Variants in CNOT4 observed in about 807,000 individuals in gnomAD.
CNOT4 encodes CCR4-associated factor 4.
A neutral mutation model predicts 73.8 loss-of-function variants in CNOT4; 8 were observed. That is an observed-to-expected ratio of 0.11 (90% CI 0.06 to 0.20). CNOT4 has a LOEUF of 0.20. Ranked by LOEUF, CNOT4 falls within the 10% of genes least tolerant of loss-of-function variation. The probability of loss-of-function intolerance (pLI) is 1.00; values close to 1 mark genes in which losing one functional copy is unlikely to be tolerated. For synonymous variants in CNOT4, 293 were observed against 321.1 expected (o/e 0.91, Z 0.94); for missense variants, 564 against 883.4 (o/e 0.64, Z 4.58).
chr7:135,467,538 C>G (rs764411317), intron 1 of CNOT4, among the ~76,000 whole-genome samples: 1 of 151,876 alleles, frequency 6.6e-6, no homozygotes. Flanking sequence ...TAGCAAGACC[C>G]CATATCCACA....
intron 10 of CNOT4, among the ~76,000 whole-genome samples, chr7:135,390,741 C>T (rs910907089): frequency 6.6e-6 from 1 of 152,016 alleles, no homozygotes; most frequent in Non-Finnish European, 1.5e-5. Context: ...AATTTAAGTA[C>T]AAATGTATAG....
chr7:135,394,485 C>T (rs536525226), intron 9 of CNOT4, 70 bp from the exon 10 acceptor site: 1 of 1,266,028 alleles, frequency 7.9e-7, no homozygotes, highest in East Asian at 2.3e-5. Context: ...AGTATCCATG[C>T]TACTGAAAGT....
chr7:135,388,640 C>G, intron 10 of CNOT4: 13 of 1,281,964 alleles, frequency 1.0e-5, no homozygotes, highest in Non-Finnish European at 1.1e-5. Context: ...ACTTCAACAA[C>G]TATGAGGTAA....
At chr7:135,380,510 A>T (rs911727833) in intron 10 of CNOT4, among the ~76,000 whole-genome samples, 1 of 152,246 alleles carries the variant, frequency 6.6e-6, no homozygotes. Context: ...AACACAGGGC[A>T]GCTTTGAAAA....
intron 1 of CNOT4, among the ~76,000 whole-genome samples, chr7:135,471,271 A>T (rs908044997): frequency 2.1e-5 from 3 of 143,110 alleles, no homozygotes; most frequent in African/African-American, 2.8e-5. Flanking sequence ...GATTCTGATT[A>T]AAAAAAAAAA....
chr7:135,503,549 G>T (rs1804145242), intron 1 of CNOT4, among the ~76,000 whole-genome samples: 1 of 152,130 alleles, frequency 6.6e-6, no homozygotes, highest in African/African-American at 2.4e-5. Flanking sequence ...GTACATGGTG[G>T]TTCATACCTA....
At chr7:135,434,064 T>G (rs1799009745) in intron 2 of CNOT4, among the ~76,000 whole-genome samples, 1 of 152,180 alleles carries the variant, frequency 6.6e-6, no homozygotes, top group Non-Finnish European at 1.5e-5. Flanking sequence ...TTCAACTAGC[T>G]CCCTACTTGC....
At chr7:135,481,362 T>C (rs1802368992) in intron 1 of CNOT4, among the ~76,000 whole-genome samples, 1 of 152,032 alleles carries the variant, frequency 6.6e-6, no homozygotes, top group African/African-American at 2.4e-5. Flanking sequence ...ATCAGGGAAA[T>C]ACAATTCTAA....
intron 3 of CNOT4, among the ~76,000 whole-genome samples, chr7:135,417,550 C>A (rs1254628322): frequency 6.6e-6 from 1 of 152,096 alleles, no homozygotes; most frequent in African/African-American, 2.4e-5. Context: ...TGTTTTCTGG[C>A]CAACGTTTGG....
At position 135,389,297 on chromosome 7, in the gene CNOT4, G is replaced by A. The variant is rs922185524; in HGVS notation, c.1627+4621C>T. Among the ~76,000 whole-genome samples the A allele has an allele frequency of 4.0e-5, 6 of 151,582 alleles. No individual in the cohort carries two copies. The South Asian group carries it at 8.3e-4, about 21-fold the overall frequency. On this transcript the variant is annotated intron_variant, in intron 10 of 11. Transcript: ENST00000541284. ...ACCTTGATTTACAGAAGTGAAAACT[G>A]ATTTTTAAAAGAGAAAAATTACAAA... is the stretch of plus-strand genomic sequence containing the variant.
At chr7:135,392,016 A>G (rs1461797389) in intron 10 of CNOT4, among the ~76,000 whole-genome samples, 1 of 152,034 alleles carries the variant, frequency 6.6e-6, no homozygotes, top group Non-Finnish European at 1.5e-5. Context: ...AGGTAGCTGT[A>G]TTACTTCTCA....
rs1455153736 is a variant in CNOT4, at chr7:135,455,667, G to C, written c.-92-17244C>G. Among the ~76,000 whole-genome samples the C allele has an allele frequency of 3.9e-5, 6 of 152,028 alleles. No individual in the cohort carries two copies. The East Asian group carries it at 9.6e-4, about 24-fold the overall frequency. On this transcript the variant is annotated intron_variant, in intron 1 of 11. Transcript: ENST00000541284. ...AGGCGGGCAGATTACTTGAGGCCAGGAGCTCAAGACCAGCCTGGCCAACAT... is the reference window on the plus strand; with the variant it reads ...AGGCGGGCAGATTACTTGAGGCCAGCAGCTCAAGACCAGCCTGGCCAACAT...
intron 10 of CNOT4, among the ~76,000 whole-genome samples, chr7:135,390,622 C>T: frequency 6.7e-6 from 1 of 150,194 alleles, no homozygotes; most frequent in Non-Finnish European, 1.5e-5. Context: ...TCAATTAGAT[C>T]AAAAAAAAAG....
intron 2 of CNOT4, among the ~76,000 whole-genome samples, chr7:135,436,774 A>T (rs888932635): frequency 1.3e-5 from 2 of 151,926 alleles, no homozygotes; most frequent in Non-Finnish European, 2.9e-5. Context: ...GATTAATTTT[A>T]AAAATCTAAT....
At chr7:135,397,133 C>T (rs1019568931) in intron 8 of CNOT4, among the ~76,000 whole-genome samples, 3 of 151,566 alleles carry the variant, frequency 2.0e-5, no homozygotes, top group African/African-American at 7.3e-5. Flanking sequence ...GCTTTTCAAG[C>T]AAAAACTATA....
chr7:135,445,357 T>C (rs945933800), intron 1 of CNOT4, among the ~76,000 whole-genome samples: 3 of 152,182 alleles, frequency 2.0e-5, no homozygotes, highest in African/African-American at 7.2e-5. Flanking sequence ...TGTAGAAAAT[T>C]AGACAGTGAT....
intron 1 of CNOT4, among the ~76,000 whole-genome samples, chr7:135,446,753 GCA>G (rs936808898): frequency 6.6e-6 from 1 of 150,884 alleles, no homozygotes; most frequent in African/African-American, 2.4e-5. Flanking sequence ...ACACACACAT[GCA>G]CACTTTGGTA....
intron 1 of CNOT4, among the ~76,000 whole-genome samples, chr7:135,471,545 T>C (rs1801574939): frequency 1.3e-5 from 2 of 152,212 alleles, no homozygotes; most frequent in Non-Finnish European, 1.5e-5. Context: ...AATTATGTTT[T>C]GGGAAGCAAG....
intron 1 of CNOT4, among the ~76,000 whole-genome samples, chr7:135,500,382 C>T (rs1803880625): frequency 6.6e-6 from 1 of 152,032 alleles, no homozygotes; most frequent in African/African-American, 2.4e-5. Context: ...TAAAATTTTC[C>T]TTCACAAAAC....
Sources: gnomAD v4.1 joint callset for allele counts (sites outside exome capture counted in the v4.1 genomes callset) on GRCh38, gnomAD v4.1.1 for gene constraint, MANE v1.5 for transcripts, NCBI Gene and HGNC (gene_info 2026-07-23, HGNC 2026-07-21) for gene names.